Variants in PTPRD observed in about 807,000 individuals in gnomAD.
PTPRD encodes the protein receptor-type tyrosine-protein phosphatase delta.
In PTPRD, 34 loss-of-function variants were observed where a neutral mutation model predicts 214.5. The observed-to-expected ratio is 0.16, with a 90% CI of 0.12 to 0.21. PTPRD has a LOEUF of 0.21. Among genes scored for constraint, PTPRD ranks in the 10% least tolerant of loss-of-function variants. The pLI is 1.00. For missense variants in PTPRD, 2,545 were observed against 2,398.7 expected (o/e 1.06, Z -1.27); for synonymous variants, 1,128 against 845.7 (o/e 1.33, Z -5.79).
chr9:9,712,501 C>T (rs1465049046), intron 7 of PTPRD, among the ~76,000 whole-genome samples: 2 of 152,170 alleles, frequency 1.3e-5, no homozygotes, highest in African/African-American at 4.8e-5. Context: ...ATTGAACCCG[C>T]AGGGAAGAAA....
intron 4 of PTPRD, among the ~76,000 whole-genome samples, chr9:10,000,732 T>C (rs1199074181): frequency 6.6e-6 from 1 of 152,226 alleles, no homozygotes; most frequent in Non-Finnish European, 1.5e-5. Context: ...ATTAACATGC[T>C]AATGCTGGTG....
intron 4 of PTPRD, among the ~76,000 whole-genome samples, chr9:9,940,106 G>C (rs2090996639): frequency 6.6e-6 from 1 of 152,150 alleles, no homozygotes; most frequent in African/African-American, 2.4e-5. Flanking sequence ...CACAAGGAAG[G>C]TATGATGGAG....
chr9:9,614,113 T>C (rs1316834615), intron 7 of PTPRD, among the ~76,000 whole-genome samples: 1 of 151,766 alleles, frequency 6.6e-6, no homozygotes, highest in East Asian at 1.9e-4. Flanking sequence ...TATACGTATG[T>C]GTGTATAAAT....
intron 3 of PTPRD, among the ~76,000 whole-genome samples, chr9:10,241,220 A>G (rs1017585456): frequency 6.6e-6 from 1 of 151,998 alleles, no homozygotes; most frequent in African/African-American, 2.4e-5. Context: ...GAGGATACAG[A>G]GGAACTGGAA....
chr9:9,467,782 G>T (rs866769762), intron 8 of PTPRD, among the ~76,000 whole-genome samples: 1 of 151,886 alleles, frequency 6.6e-6, no homozygotes, highest in East Asian at 1.9e-4. Context: ...AAATCACATA[G>T]TATATTTTTC....
At chr9:10,523,630 A>ATATATATATATATATAAAG (rs1566725115) in intron 2 of PTPRD, among the ~76,000 whole-genome samples, 1 of 17,664 alleles carries the variant, frequency 5.7e-5, no homozygotes, top group Non-Finnish European at 2.0e-4. Context: ...TATAGACAGA[A>ATATATATATATATATAAAG]AGAAAGGGAG....
At chr9:9,655,726 C>A (rs572728934) in intron 7 of PTPRD, among the ~76,000 whole-genome samples, 5 of 151,870 alleles carry the variant, frequency 3.3e-5, no homozygotes, top group Non-Finnish European at 7.4e-5. Context: ...AACTGTAATC[C>A]CCGCACTTTG....
At chr9:10,239,349 T>C (rs1008102779) in intron 3 of PTPRD, among the ~76,000 whole-genome samples, 2 of 151,994 alleles carry the variant, frequency 1.3e-5, no homozygotes, top group African/African-American at 2.4e-5. Flanking sequence ...AGACATTCTA[T>C]GTATAGGTGC....
At chr9:9,324,091 G>A (rs2136147200) in intron 9 of PTPRD, among the ~76,000 whole-genome samples, 2 of 152,268 alleles carry the variant, frequency 1.3e-5, no homozygotes, top group Middle Eastern at 6.8e-3. Context: ...GTCTATCATT[G>A]ATGGACATTT....
intron 42 of PTPRD, among the ~76,000 whole-genome samples, chr9:8,339,636 G>A (rs755879954): frequency 2.0e-5 from 3 of 152,026 alleles, no homozygotes; most frequent in African/African-American, 4.8e-5. Flanking sequence ...CTCTCCGGGG[G>A]CTCTACAAGT....
chr9:9,626,429 A>C (rs183424330), intron 7 of PTPRD, among the ~76,000 whole-genome samples: 108 of 152,340 alleles, frequency 7.1e-4, no homozygotes, highest in Admixed American at 2.0e-3. Context: ...AAGGCCATTC[A>C]TGTACATGCA....
intron 5 of PTPRD, among the ~76,000 whole-genome samples, chr9:9,808,784 A>T (rs1466882395): frequency 6.6e-6 from 1 of 151,954 alleles, no homozygotes; most frequent in East Asian, 1.9e-4. Flanking sequence ...TTACTTAATT[A>T]ATTTAGATAC....
At chr9:8,957,614 G>T (rs1479163419) in intron 11 of PTPRD, among the ~76,000 whole-genome samples, 1 of 151,790 alleles carries the variant, frequency 6.6e-6, no homozygotes, top group African/African-American at 2.4e-5. Flanking sequence ...TCTTTAATCA[G>T]TTTTGCTCCT....
At chr9:8,741,987 G>C (rs1191063064) in intron 11 of PTPRD, among the ~76,000 whole-genome samples, 1 of 152,086 alleles carries the variant, frequency 6.6e-6, no homozygotes, top group East Asian at 1.9e-4. Context: ...GTCTAGACAA[G>C]ACATTTTCAT....
intron 5 of PTPRD, among the ~76,000 whole-genome samples, chr9:9,838,755 A>T (rs984798864): frequency 6.6e-6 from 1 of 152,136 alleles, no homozygotes; most frequent in Non-Finnish European, 1.5e-5. Context: ...TGCTGTGCAG[A>T]AACTCTTTAG....
intron 8 of PTPRD, among the ~76,000 whole-genome samples, chr9:9,430,125 G>A (rs555213941): frequency 1.3e-5 from 2 of 152,296 alleles, no homozygotes; most frequent in South Asian, 2.1e-4. Context: ...CCTGTTTGCA[G>A]ATGACATGAT....
At position 9,257,831 on chromosome 9, in the gene PTPRD, G is replaced by A. The variant is rs117260436; in HGVS notation, c.-202-74468C>T. Among the ~76,000 whole-genome samples, 1,096 of 151,920 alleles carry A rather than the reference G, an allele frequency of 7.2e-3. 8 individuals are homozygous for A. The highest frequency in any genetic ancestry group is 0.017 in the Middle Eastern group (5 of 294). On this transcript the variant is annotated intron_variant, in intron 9 of 45. Coordinates refer to ENST00000381196, the MANE Select transcript of PTPRD (RefSeq NM_002839.4). The stretch of plus-strand genomic sequence containing the variant: ...AGGGCAAAGAAAATGCCAACTCTAT[G>A]CAAACTAGCAGGGACATTAGGGACA...
At chr9:10,476,561 G>A (rs980688935) in intron 2 of PTPRD, among the ~76,000 whole-genome samples, 3 of 152,138 alleles carry the variant, frequency 2.0e-5, no homozygotes, top group Non-Finnish European at 4.4e-5. Flanking sequence ...TGGCCATGCA[G>A]ACCAAAGTAA....
chr9:9,769,584 C>T (rs912745695), intron 5 of PTPRD, among the ~76,000 whole-genome samples: 1 of 151,596 alleles, frequency 6.6e-6, no homozygotes, highest in Non-Finnish European at 1.5e-5. Context: ...CCTTGGCCTC[C>T]CAAAGTGCTG....
Sources: gnomAD v4.1 joint callset for allele counts (sites outside exome capture counted in the v4.1 genomes callset) on GRCh38, gnomAD v4.1.1 for gene constraint, MANE v1.5 for transcripts, NCBI Gene and HGNC (gene_info 2026-07-23, HGNC 2026-07-21) for gene names.